The following AKIRIN2 variants were observed in gnomAD, a reference collection of about 807,000 sequenced individuals.
AKIRIN2 encodes the protein akirin 2.
A neutral mutation model predicts 29.3 loss-of-function variants in AKIRIN2; 6 were observed. The ratio of observed to expected loss-of-function variants is 0.20; its 90% CI spans 0.11 to 0.40. The LOEUF (loss-of-function observed/expected upper bound fraction) is 0.40, where lower values mean the gene tolerates loss of function less well. Among genes scored for constraint, AKIRIN2 ranks in the 10% least tolerant of loss-of-function variants. The pLI is 1.00. For synonymous variants in AKIRIN2, 128 were observed against 117.5 expected (o/e 1.09, Z -0.58); for missense variants, 210 against 276.1 (o/e 0.76, Z 1.70).
chr6:87,676,009 C>G, intron 3 of AKIRIN2, 78 bp from the exon 4 acceptor site: 2 of 1,199,886 alleles, frequency 1.7e-6, no homozygotes, highest in Non-Finnish European at 1.2e-6. Flanking sequence ...ACAAAATATA[C>G]AGTAAAACAA....
chr6:87,681,552 A>C, intron 2 of AKIRIN2, 68 bp downstream of exon 2: 2 of 1,486,558 alleles, frequency 1.3e-6, no homozygotes, highest in Non-Finnish European at 1.8e-6. Flanking sequence ...AAATGACTAA[A>C]GACAACTTGG....
At position 87,681,641 on chromosome 6, in the gene AKIRIN2, G is replaced by A; in HGVS notation, c.358C>T (p.Leu120Phe). 1 of 1,609,844 alleles carries A rather than the reference G, an allele frequency of 6.2e-7. No homozygotes were observed. The highest frequency in any genetic ancestry group is 8.5e-7 in the Non-Finnish European group (1 of 1,179,050). ...TSDAQPHAFL[L>F]SGPASPGTSS... is the part of the protein sequence containing the mutation. The stretch of plus-strand genomic sequence containing the variant: ...TTACCTGGTGAAGCTGGTCCACTGA[G>A]GAGAAATGCATGTGGCTGTGCATCA... Residue 120 changes from leucine (L) to phenylalanine (F), a missense_variant, in exon 2 of 5, where the codon CTC becomes TTC. Around this residue, in one of 2 missense-constraint regions of AKIRIN2, gnomAD observed 199 missense variants for 236.5 expected, o/e 0.84. Transcript: ENST00000257787.
chr6:87,685,964 C>T (rs1397804760), intron 1 of AKIRIN2, among the ~76,000 whole-genome samples: 5 of 152,118 alleles, frequency 3.3e-5, no homozygotes, highest in African/African-American at 1.2e-4. Flanking sequence ...CCTTTAATCC[C>T]AGCACTTTGG....
intron 2 of AKIRIN2, among the ~76,000 whole-genome samples, chr6:87,679,180 T>G (rs557580658): frequency 3.7e-4 from 53 of 143,386 alleles, no homozygotes; most frequent in Non-Finnish European, 6.8e-4. Flanking sequence ...CACAATAAAT[T>G]TTTATGTTTA....
At chr6:87,695,276 T>C (rs1771342490) in intron 1 of AKIRIN2, among the ~76,000 whole-genome samples, 1 of 152,078 alleles carries the variant, frequency 6.6e-6, no homozygotes, top group Non-Finnish European at 1.5e-5. Flanking sequence ...AATTGCAGTA[T>C]TTATTACGAC....
At chr6:87,683,968 A>G (rs148601870) in intron 1 of AKIRIN2, among the ~76,000 whole-genome samples, 426 of 152,266 alleles carry the variant, frequency 2.8e-3, no homozygotes, top group African/African-American at 9.7e-3. Flanking sequence ...TTTTGCTGAG[A>G]GAGAGTAAGC....
intron 1 of AKIRIN2, among the ~76,000 whole-genome samples, chr6:87,694,358 ATT>A (rs1771326348): frequency 6.6e-6 from 1 of 152,234 alleles, no homozygotes; most frequent in Non-Finnish European, 1.5e-5. Context: ...GTGGAAAAAT[ATT>A]AATAAGAAAT....
At chr6:87,694,447 C>T (rs1357788606) in intron 1 of AKIRIN2, among the ~76,000 whole-genome samples, 5 of 152,168 alleles carry the variant, frequency 3.3e-5, no homozygotes, top group Non-Finnish European at 7.4e-5. Flanking sequence ...ATCAGTCTCT[C>T]AAGAGAGACT....
chr6:87,675,973 T>TTAA lies in AKIRIN2; in HGVS notation c.530-43_530-42insTTA, dbSNP rs145764008. On this transcript the variant is annotated intron_variant, in intron 3 of 4. Coordinates refer to ENST00000257787, the MANE Select transcript of AKIRIN2 (RefSeq NM_018064.4). The stretch of plus-strand genomic sequence containing the variant: ...TTGTCAATTACATTTGTAAAATGCC[T>TTAA]TATTAGAGCCAGATAAACTGAAAAC... 8,892 of 1,537,186 alleles carry TTAA rather than the reference T, an allele frequency of 5.8e-3. 453 individuals are homozygous for TTAA. In the African/African-American group the frequency reaches 0.11, roughly 19 times the overall value.
intron 1 of AKIRIN2, among the ~76,000 whole-genome samples, chr6:87,690,881 G>A (rs772043245): frequency 1.3e-4 from 20 of 152,114 alleles, no homozygotes; most frequent in Non-Finnish European, 2.8e-4. Context: ...GCTGAAGCAG[G>A]AGAATCACTT....
intron 1 of AKIRIN2, among the ~76,000 whole-genome samples, chr6:87,686,601 T>C (rs1244083073): frequency 6.6e-6 from 1 of 151,906 alleles, no homozygotes; most frequent in African/African-American, 2.4e-5. Context: ...AGATCAAACA[T>C]TACGGTTTCG....
chr6:87,681,889 TG>T, intron 1 of AKIRIN2, 126 bp from the exon 2 acceptor site: 1 of 834,334 alleles, frequency 1.2e-6, no homozygotes, highest in Non-Finnish European at 1.8e-6. Context: ...TCCAGAAAAC[TG>T]ACATTTTGGT....
chr6:87,697,052 T>TAATC (rs2128302967), intron 1 of AKIRIN2, among the ~76,000 whole-genome samples: 1 of 151,752 alleles, frequency 6.6e-6, no homozygotes, highest in Non-Finnish European at 1.5e-5. Context: ...CTCACACCTA[T>TAATC]AATCCCAGCA....
At chr6:87,681,518 A>C in intron 2 of AKIRIN2, 102 bp downstream of exon 2, 1 of 1,169,326 alleles carries the variant, frequency 8.6e-7, no homozygotes, top group Non-Finnish European at 1.2e-6. Context: ...GTTTTTTTAA[A>C]ACTCAGAGGA....
Position 87,701,493 on chromosome 6 carries a change from C to T in AKIRIN2, c.192G>A (p.Met64Ile). Residue 64 changes from methionine to isoleucine, a missense_variant, in exon 1 of 5, where the codon ATG (methionine) becomes ATA (isoleucine). Physicochemically the swap from Met to Ile is conservative, Grantham distance 10. Transcript: ENST00000257787. ...AAASPQKYLR[M>I]EPSPFGDVSS... ...AGACGTCGCCGAAGGGGGATGGCTC[C>T]ATTCGGAGATACTTCTGCGGCGAGG... The T allele has an allele frequency of 1.3e-6, 2 of 1,495,108 alleles. No individual in the cohort carries two copies. Among genetic ancestry groups the T allele is most frequent in the Non-Finnish European group, 1.8e-6 (2 of 1,127,948 alleles). 92.6% of individuals were successfully genotyped at this position (1,495,108 alleles called of 1,614,324 possible).
chr6:87,702,049 G>A lies in AKIRIN2; in HGVS notation c.-365C>T. 6 of 401,160 alleles carry A rather than the reference G, an allele frequency of 1.5e-5. No individual in the cohort carries two copies. Among genetic ancestry groups the A allele is most frequent in the Non-Finnish European group, 2.6e-5 (6 of 227,348 alleles). 24.9% of individuals were successfully genotyped at this position (401,160 alleles called of 1,614,324 possible). A position where few individuals can be genotyped will look rare whatever the true frequency, so the allele number is the denominator to read the frequency against. On this transcript the variant is annotated 5_prime_UTR_variant, in exon 1 of 5. Transcript: ENST00000257787. ...CGCGCCTGAGGCGCTTCTGTGCTGA[G>A]ACTAGATCCTTTCTGAAGTCGAAAA...
At chr6:87,700,645 T>C (rs1743115388) in intron 1 of AKIRIN2, 1 of 152,380 alleles carries the variant, frequency 6.6e-6, no homozygotes, top group Non-Finnish European at 1.5e-5. Context: ...GGTTGATTTC[T>C]TCATTATTCT....
At chr6:87,699,238 T>C (rs1771419887) in intron 1 of AKIRIN2, among the ~76,000 whole-genome samples, 2 of 152,178 alleles carry the variant, frequency 1.3e-5, no homozygotes, top group African/African-American at 4.8e-5. Context: ...GGGAAGCTCT[T>C]TGATACCTGC....
At chr6:87,695,742 C>T (rs1771349395) in intron 1 of AKIRIN2, among the ~76,000 whole-genome samples, 2 of 152,210 alleles carry the variant, frequency 1.3e-5, no homozygotes, top group Non-Finnish European at 2.9e-5. Context: ...TATTACTTCA[C>T]ATTCTTCTTT....
Sources: allele counts gnomAD v4.1 joint callset (sites outside exome capture counted in the v4.1 genomes callset), GRCh38; gene constraint gnomAD v4.1.1; regional missense constraint gnomAD v4.1.1; transcripts MANE v1.5; gene names NCBI Gene and HGNC (gene_info 2026-07-23, HGNC 2026-07-21).